MSR1: variants seen among roughly 807,000 people sequenced by gnomAD.
The protein encoded by MSR1 is macrophage scavenger receptor types I and II.
In MSR1, 53 loss-of-function variants were observed where a neutral mutation model predicts 47.2. The observed-to-expected ratio is 1.12, with a 90% CI of 0.90 to 1.41. The LOEUF (loss-of-function observed/expected upper bound fraction) is 1.41, where lower values mean the gene tolerates loss of function less well. MSR1 is among the 40% of genes most tolerant of loss of function. The pLI is 0.00. For missense variants in MSR1, 786 were observed against 546.9 expected (o/e 1.44, Z -4.36); for synonymous variants, 239 against 185.6 (o/e 1.29, Z -2.34).
At position 16,168,872 on chromosome 8, in the gene MSR1, T is replaced by C; in HGVS notation, c.218-2A>G. 6.2e-7 allele frequency: 1 copy of C among 1,611,756 alleles called. No homozygotes were observed. The highest frequency in any genetic ancestry group is 1.1e-5 in the South Asian group (1 of 91,072). ...TCGTTTCCCACTTCAGGAGTTGAGC[T>C]GTATATTTAAGTAAAAATAAACCAG... On this transcript the variant is annotated splice_acceptor_variant, in intron 3 of 9. Transcript: ENST00000262101. LOFTEE classifies it high-confidence loss of function.
At chr8:16,157,065 A>G (rs988394924) in intron 5 of MSR1, among the ~76,000 whole-genome samples, 1 of 151,990 alleles carries the variant, frequency 6.6e-6, no homozygotes, top group Non-Finnish European at 1.5e-5. Context: ...GATAGTAATC[A>G]AGGATGGTAT....
chr8:16,138,663 G>T (rs749590337), intron 8 of MSR1, among the ~76,000 whole-genome samples: 2 of 152,154 alleles, frequency 1.3e-5, no homozygotes, highest in Non-Finnish European at 1.5e-5. Context: ...GTCTGCTGAA[G>T]AAAGCTGCTC....
chr8:16,156,601 T>C (rs1348259651), intron 5 of MSR1, among the ~76,000 whole-genome samples: 1 of 151,848 alleles, frequency 6.6e-6, no homozygotes, highest in Non-Finnish European at 1.5e-5. Context: ...ACTCTACTTA[T>C]AGGAAACATA....
At chr8:16,153,810 C>A (rs1470635563) in intron 6 of MSR1, among the ~76,000 whole-genome samples, 2 of 151,872 alleles carry the variant, frequency 1.3e-5, no homozygotes, top group Admixed American at 6.6e-5. Flanking sequence ...GTAGTTCTGG[C>A]AGCAGATTTA....
At chr8:16,168,974 C>G in intron 3 of MSR1, 104 bp from the exon 4 acceptor site, 1 of 1,208,332 alleles carries the variant, frequency 8.3e-7, no homozygotes, top group Non-Finnish European at 1.2e-6. Context: ...CCATTCCATT[C>G]CAACATTTTG....
At chr8:16,173,391 T>C (rs1367431228) in intron 3 of MSR1, among the ~76,000 whole-genome samples, 2 of 152,228 alleles carry the variant, frequency 1.3e-5, no homozygotes, top group Non-Finnish European at 1.5e-5. Context: ...TTGGTTTATA[T>C]GTAATAATCC....
intron 2 of MSR1, among the ~76,000 whole-genome samples, chr8:16,176,481 T>C (rs1198733576): frequency 7.4e-6 from 1 of 134,792 alleles, no homozygotes; most frequent in Non-Finnish European, 1.5e-5. Context: ...CACTCCAGCC[T>C]AGGTGAAAAA....
At chr8:16,139,965 G>T in intron 8 of MSR1, 2 of 433,084 alleles carry the variant, frequency 4.6e-6, no homozygotes, top group Non-Finnish European at 6.1e-6. Context: ...TAGATGTATT[G>T]TAATTGCTTG....
At chr8:16,162,715 C>T (rs1801195974) in intron 5 of MSR1, among the ~76,000 whole-genome samples, 1 of 151,964 alleles carries the variant, frequency 6.6e-6, no homozygotes, top group Non-Finnish European at 1.5e-5. Flanking sequence ...AGAGCTTGTG[C>T]AGTACTGATA....
intron 4 of MSR1, among the ~76,000 whole-genome samples, chr8:16,167,954 G>T (rs1036732494): frequency 4.6e-5 from 7 of 152,120 alleles, no homozygotes; most frequent in Non-Finnish European, 7.4e-5. Context: ...ATATCAACAT[G>T]TTGGGATGAG....
At chr8:16,161,371 G>A (rs572879024) in intron 5 of MSR1, among the ~76,000 whole-genome samples, 1 of 151,874 alleles carries the variant, frequency 6.6e-6, no homozygotes, top group African/African-American at 2.4e-5. Context: ...GCAAGGATTT[G>A]GTTTTGAATT....
At chr8:16,141,183 G>T in intron 8 of MSR1, 1 of 901,660 alleles carries the variant, frequency 1.1e-6, no homozygotes, top group Non-Finnish European at 1.7e-6. Context: ...GGGGAATCAG[G>T]CACTTTCATA....
chr8:16,168,130 T>A (rs1476130739), intron 4 of MSR1, among the ~76,000 whole-genome samples: 1 of 152,216 alleles, frequency 6.6e-6, no homozygotes, highest in African/African-American at 2.4e-5. Context: ...ATACAGAGTG[T>A]TCACTTCTCA....
chr8:16,144,447 G>T (rs1248442919), intron 7 of MSR1, among the ~76,000 whole-genome samples: 1 of 152,052 alleles, frequency 6.6e-6, no homozygotes, highest in Non-Finnish European at 1.5e-5. Context: ...CTGTCTCAAA[G>T]TCAAAACCTT....
chr8:16,165,505 G>T (rs529337986), intron 4 of MSR1, among the ~76,000 whole-genome samples: 1 of 151,872 alleles, frequency 6.6e-6, no homozygotes, highest in African/African-American at 2.4e-5. Context: ...ATCTATTCTG[G>T]TAATAATTTT....
chr8:16,186,846 C>T (rs1802014929), intron 1 of MSR1, among the ~76,000 whole-genome samples: 1 of 151,840 alleles, frequency 6.6e-6, no homozygotes. Context: ...ACTCTTTAGC[C>T]TCAAGCAATC....
In MSR1 at chr8:16,141,325, A is replaced by C. The variant is rs564118712; in HGVS notation, c.1033+2233T>G. Among the ~76,000 whole-genome samples the C allele has an allele frequency of 1.6e-4, 24 of 152,292 alleles. No homozygotes were observed. In the South Asian group the frequency reaches 5.0e-3, roughly 32 times the overall value. On this transcript the variant is annotated intron_variant, in intron 8 of 9. Transcript: ENST00000262101. ...TTAAAAAGTATTCCCACAAGATTAC[A>C]TGTGAGAGTGTTGAATGTAGCATTG...
At position 16,120,348 on chromosome 8, in the gene MSR1, G is replaced by A. The variant is rs1222417269; in HGVS notation, c.1222+70C>T. 7.7e-6 allele frequency: 12 copies of A among 1,552,278 alleles called. No individual in the cohort carries two copies. In the South Asian group the frequency reaches 1.3e-4, roughly 17 times the overall value. ...GCCGAGATCGCGCCACTGCACTCCA[G>A]TCTGGGCGACAGAATGAGACTCTGT... On this transcript the variant is annotated intron_variant, in intron 9 of 9. Coordinates refer to ENST00000262101, the MANE Select transcript of MSR1 (RefSeq NM_138715.3).
rs1162324527 is a variant in MSR1, at chr8:16,186,216, A to C, written c.-5+6382T>G. On this transcript the variant is annotated intron_variant, in intron 1 of 9. Coordinates refer to ENST00000262101, the MANE Select transcript of MSR1 (RefSeq NM_138715.3). ...TGCACTGAGATAGCACATCCAGGGGAGTTTTATTTATTTCTGGGTATTCCT... is the reference window on the plus strand; with the variant it reads ...TGCACTGAGATAGCACATCCAGGGGCGTTTTATTTATTTCTGGGTATTCCT... The C allele has an allele frequency of 3.3e-6, 5 of 1,534,790 alleles. No homozygotes were observed. The African/African-American group carries it at 5.5e-5, about 17-fold the overall frequency.
Sources: allele counts gnomAD v4.1 joint callset (sites outside exome capture counted in the v4.1 genomes callset), GRCh38; gene constraint gnomAD v4.1.1; transcripts MANE v1.5; gene names NCBI Gene and HGNC (gene_info 2026-07-23, HGNC 2026-07-21).